The following DNAH7 variants were observed in gnomAD, a reference collection of about 807,000 sequenced individuals.
DNAH7 encodes the protein axonemal beta dynein heavy chain 7.
In DNAH7, 397 loss-of-function variants were observed where a neutral mutation model predicts 444.6. That is an observed-to-expected ratio of 0.89 (90% CI 0.82 to 0.97). The LOEUF (loss-of-function observed/expected upper bound fraction) is 0.97. Among genes scored for constraint, DNAH7 ranks in the 50% least tolerant of loss-of-function variants. The pLI is 0.00. For synonymous variants in DNAH7, 1,636 were observed against 1,624.4 expected, an observed-to-expected ratio of 1.01 and a Z score of -0.17; for missense variants, 4,902 against 4,800.8, an observed-to-expected ratio of 1.02 and a Z score of -0.62.
chr2:196,011,793 C>T (rs1694742064), intron 10 of DNAH7, among the ~76,000 whole-genome samples: 1 of 152,090 alleles, frequency 6.6e-6, no homozygotes, highest in African/African-American at 2.4e-5. Flanking sequence ...TTGTACTCTA[C>T]TCTGTAATTT....
intron 30 of DNAH7, 73 bp from the exon 31 acceptor site, chr2:195,891,877 A>G: frequency 8.1e-7 from 1 of 1,234,240 alleles, no homozygotes; most frequent in South Asian, 2.1e-5. Flanking sequence ...TATTGCACAT[A>G]CAGAAAATCC....
chr2:195,972,985 A>G (rs954074832), intron 15 of DNAH7, among the ~76,000 whole-genome samples: 6 of 152,240 alleles, frequency 3.9e-5, no homozygotes, highest in African/African-American at 1.4e-4. Flanking sequence ...GGAGCATATC[A>G]TAAGGATGTG....
At chr2:195,972,187 A>T (rs766359086) in intron 16 of DNAH7, 55 bp downstream of exon 16, 224 of 1,461,820 alleles carry the variant, frequency 1.5e-4, no homozygotes, top group Non-Finnish European at 2.0e-4. Context: ...GCTACATAAA[A>T]AGATAAAAAC....
At chr2:195,809,484 T>C (rs532561589) in intron 52 of DNAH7, among the ~76,000 whole-genome samples, 5 of 152,272 alleles carry the variant, frequency 3.3e-5, no homozygotes, top group Admixed American at 2.0e-4. Context: ...TTTATATGCA[T>C]AGCTGTATGA....
chr2:195,884,953 T>C, intron 34 of DNAH7, 144 bp from the exon 35 acceptor site: 1 of 642,784 alleles, frequency 1.6e-6, no homozygotes, highest in African/African-American at 1.8e-5. Flanking sequence ...TCTCAGGATT[T>C]TGTAATCATA....
At position 195,861,829 on chromosome 2, in the gene DNAH7, T is replaced by C. The variant is rs762891911; in HGVS notation, c.7624A>G (p.Ile2542Val). 46 of 1,613,572 alleles carry C rather than the reference T, an allele frequency of 2.9e-5. No homozygotes were observed. The highest frequency in any genetic ancestry group is 2.6e-4 in the South Asian group (24 of 91,082). ...DMCKSFHTST[I>V]DLSKSFFVEL... ...ACAAAGAAAGATTTGGATAAATCTA[T>C]AGTAGAAGTGTGGAAGCTTTTACAC... The change falls in exon 42 of 65, where the codon ATA becomes GTA. Residue 2542 changes from isoleucine (I) to valine (V), a missense_variant. Coordinates refer to ENST00000312428, the MANE Select transcript of DNAH7 (RefSeq NM_018897.3).
rs755196631 is a variant in DNAH7, at chr2:195,864,650, G to A, written c.7005C>T (p.Ser2335=). 2.5e-6 allele frequency: 4 copies of A among 1,614,176 alleles called. No individual in the cohort carries two copies. Among genetic ancestry groups the A allele is most frequent in the East Asian group, 2.2e-5 (1 of 44,888 alleles). ...CTCCAACCCCTACTAGGAGAGCATG[G>A]CTGCGAGGCTGCTTCAGGATCCTGG... ...RISRILKQPR[S]HALLVGVGGS... The change falls in exon 41 of 65, where the codon AGC becomes AGT. Residue 2335 remains serine (S), a synonymous_variant. Coordinates refer to ENST00000312428, the MANE Select transcript of DNAH7 (RefSeq NM_018897.3).
chr2:195,836,047 T>C (rs1229052039), intron 47 of DNAH7, among the ~76,000 whole-genome samples: 2 of 152,074 alleles, frequency 1.3e-5, no homozygotes, highest in Admixed American at 6.6e-5. Context: ...GCAGGTTTGG[T>C]TTTTGCAGAG....
chr2:195,984,252 G>A lies in DNAH7; in HGVS notation c.1833+380C>T, dbSNP rs541809889. Among the ~76,000 whole-genome samples the A allele has an allele frequency of 4.7e-4, 72 of 152,320 alleles. 1 individual carries two copies. In the South Asian group the frequency reaches 0.015, roughly 32 times the overall value. On this transcript the variant is annotated intron_variant, in intron 15 of 64. Transcript: ENST00000312428. ...TGACCCAACAGGGTGACCCCATGGA[G>A]ACCAGAAGAACCAACCAGGAGCATC...
In DNAH7 at chr2:195,991,711, T is replaced by G. The variant is rs1422357439; in HGVS notation, c.1354-3482A>C. 4.6e-5 allele frequency among the ~76,000 whole-genome samples: 7 copies of G among 152,232 alleles called. 1 individual carries two copies. Among genetic ancestry groups the G allele is most frequent in the Admixed American group, 4.6e-4 (7 of 15,288 alleles). On this transcript the variant is annotated intron_variant, in intron 12 of 64. Coordinates refer to ENST00000312428, the MANE Select transcript of DNAH7 (RefSeq NM_018897.3). Reference sequence around the variant, plus strand: ...TATTCATTTTATTTTCTAAGGCTCATGCAGTCATAATTCGCACACTTGTAA... The same window carrying G: ...TATTCATTTTATTTTCTAAGGCTCAGGCAGTCATAATTCGCACACTTGTAA...
intron 19 of DNAH7, among the ~76,000 whole-genome samples, chr2:195,949,917 T>C (rs1020721621): frequency 6.6e-6 from 1 of 152,224 alleles, no homozygotes; most frequent in Non-Finnish European, 1.5e-5. Flanking sequence ...CTGATTTGTA[T>C]ATGTTGAACT....
At chr2:195,796,935 C>T (rs561921516) in intron 55 of DNAH7, among the ~76,000 whole-genome samples, 198 bp from the exon 56 acceptor site, 159 of 152,202 alleles carry the variant, frequency 1.0e-3, no homozygotes, top group African/African-American at 3.8e-3. Context: ...AGTCAATTCA[C>T]GTAGGAAATA....
At chr2:195,740,717 AAT>A (rs1221642971) in intron 64 of DNAH7, 47 bp downstream of exon 64, 2 of 791,502 alleles carry the variant, frequency 2.5e-6, no homozygotes, top group Non-Finnish European at 3.5e-6. Flanking sequence ...TAATATATAA[AAT>A]ATGTATAAAA....
At chr2:196,027,276 T>C (rs540739631) in intron 6 of DNAH7, among the ~76,000 whole-genome samples, 1 of 152,110 alleles carries the variant, frequency 6.6e-6, no homozygotes, top group East Asian at 1.9e-4. Flanking sequence ...TTTTTATTAT[T>C]ATCAGAAGTA....
At chr2:195,892,504 T>C (rs2125229626) in intron 30 of DNAH7, 1 of 151,978 alleles carries the variant, frequency 6.6e-6, no homozygotes, top group East Asian at 1.9e-4. Context: ...ATTAACTGGC[T>C]TTTTAAAAAA....
intron 61 of DNAH7, among the ~76,000 whole-genome samples, chr2:195,765,244 T>C (rs1015169889): frequency 3.9e-5 from 6 of 152,146 alleles, no homozygotes; most frequent in African/African-American, 1.4e-4. Flanking sequence ...GATTAAAGGC[T>C]TAAATCTAAG....
chr2:196,025,468 A>C (rs1695625352), intron 7 of DNAH7, among the ~76,000 whole-genome samples: 1 of 152,086 alleles, frequency 6.6e-6, no homozygotes, highest in East Asian at 1.9e-4. Flanking sequence ...CCCCTTCCCC[A>C]GATGCACCCT....
At chr2:195,910,488 G>A (rs144366508) in intron 24 of DNAH7, among the ~76,000 whole-genome samples, 2 of 152,074 alleles carry the variant, frequency 1.3e-5, no homozygotes, top group African/African-American at 4.8e-5. Flanking sequence ...CCCCTAATTC[G>A]CCAACTGTAA....
intron 17 of DNAH7, 132 bp downstream of exon 17, chr2:195,969,816 C>CA: frequency 1.1e-6 from 1 of 883,956 alleles, no homozygotes; most frequent in Non-Finnish European, 1.7e-6. Context: ...CTATTTGTGT[C>CA]ATTCTATTAT....
Sources: allele counts gnomAD v4.1 joint callset (sites outside exome capture counted in the v4.1 genomes callset), GRCh38; gene constraint gnomAD v4.1.1; transcripts MANE v1.5; gene names NCBI Gene and HGNC (gene_info 2026-07-23, HGNC 2026-07-21).